CAST: variants seen among roughly 807,000 people sequenced by gnomAD.
CAST encodes the protein calpastatin, also known as MIR583 host.
In CAST, 76 loss-of-function variants were observed where a neutral mutation model predicts 119.6. The observed-to-expected ratio is 0.64, with a 90% CI of 0.53 to 0.77. The LOEUF (loss-of-function observed/expected upper bound fraction) is 0.77, where lower values mean the gene tolerates loss of function less well. Ranked by LOEUF, CAST falls within the 30% of genes least tolerant of loss-of-function variation. CAST has a pLI of 0.00. For synonymous variants in CAST, 319 were observed against 331.6 expected, an observed-to-expected ratio of 0.96 and a Z score of 0.41; for missense variants, 953 against 946.5, an observed-to-expected ratio of 1.01 and a Z score of -0.09.
At chr5:96,368,664 C>T in the CAST span, among the ~76,000 whole-genome samples, 1 of 152,028 alleles carries the variant, frequency 6.6e-6, no homozygotes, top group African/African-American at 2.4e-5. Context: ...TATTTCTGTC[C>T]ACTATCTCTC....
chr5:96,514,777 G>A, the CAST span, among the ~76,000 whole-genome samples: 16 of 152,088 alleles, frequency 1.1e-4, no homozygotes, highest in East Asian at 2.1e-3. Context: ...ACAGTGTCTC[G>A]CTCTATTGCC....
chr5:95,988,982 G>A, the CAST span, among the ~76,000 whole-genome samples: 1 of 152,092 alleles, frequency 6.6e-6, no homozygotes, highest in African/African-American at 2.4e-5. Context: ...ATATCTTTTG[G>A]AACGAGTGGG....
At chr5:96,601,692 T>C (rs1415468954) in intron 1 of CAST, among the ~76,000 whole-genome samples, 1 of 152,236 alleles carries the variant, frequency 6.6e-6, no homozygotes, top group African/African-American at 2.4e-5. Context: ...GTTCCCACTT[T>C]GTACATTTCC....
At chr5:96,250,964 G>T in the CAST span, among the ~76,000 whole-genome samples, 1 of 151,886 alleles carries the variant, frequency 6.6e-6, no homozygotes, top group East Asian at 1.9e-4. Context: ...AGGTACAGAG[G>T]TACAAAGGTA....
At chr5:96,170,659 G>A in the CAST span, among the ~76,000 whole-genome samples, 69 of 152,294 alleles carry the variant, frequency 4.5e-4, no homozygotes, top group African/African-American at 7.7e-4. Context: ...GGGCTGTAAA[G>A]CGTCTCAGGG....
the CAST span, among the ~76,000 whole-genome samples, chr5:96,425,453 CTG>C: frequency 2.6e-5 from 4 of 152,196 alleles, no homozygotes; most frequent in Non-Finnish European, 5.9e-5. Context: ...TCACTATACT[CTG>C]TGAGTGCTTT....
At chr5:96,706,959 C>T (rs113291132) in intron 3 of CAST, among the ~76,000 whole-genome samples, 16 of 152,198 alleles carry the variant, frequency 1.1e-4, no homozygotes, top group African/African-American at 3.6e-4. Context: ...GTCAGTCCCC[C>T]AGGCAAGCTC....
intron 13 of CAST, 115 bp from the exon 14 acceptor site, chr5:96,741,151 C>G (rs1420773363): frequency 1.5e-6 from 1 of 657,228 alleles, no homozygotes; most frequent in Non-Finnish European, 2.7e-6. Flanking sequence ...ATTAACACAC[C>G]TCATTTGGTA....
the CAST span, among the ~76,000 whole-genome samples, chr5:96,498,566 G>A: frequency 6.6e-6 from 1 of 152,134 alleles, no homozygotes; most frequent in Admixed American, 6.5e-5. Context: ...TTCAATATCA[G>A]GTTTAAGGCT....
chr5:96,447,659 A>G, the CAST span, among the ~76,000 whole-genome samples: 1 of 152,234 alleles, frequency 6.6e-6, no homozygotes, highest in African/African-American at 2.4e-5. Context: ...AAAGCTTCTG[A>G]TTTTAGAAGG....
chr5:96,773,552 G>A lies in CAST; in HGVS notation c.*936G>A, dbSNP rs1327166259. The A allele has an allele frequency of 1.3e-5, 2 of 151,842 alleles. No individual in the cohort carries two copies. Among genetic ancestry groups the A allele is most frequent in the African/African-American group, 2.4e-5 (1 of 41,272 alleles). The allele number at this position is 151,842 out of a possible 1,614,324, so 9.4% of individuals were successfully genotyped here. Reference sequence around the variant, plus strand: ...TGCACTGTATAGCGTCTGGCTTTATGGAACTTAAGTTTACCAAATATAAAA... The same window carrying A: ...TGCACTGTATAGCGTCTGGCTTTATAGAACTTAAGTTTACCAAATATAAAA... On this transcript the variant is annotated 3_prime_UTR_variant, in exon 32 of 32. Coordinates refer to ENST00000675179, the MANE Select transcript of CAST (RefSeq NM_001750.7).
chr5:96,569,748 C>G (rs1486870908), intron 1 of CAST, among the ~76,000 whole-genome samples: 1 of 152,230 alleles, frequency 6.6e-6, no homozygotes, highest in Admixed American at 6.5e-5. Flanking sequence ...GATCACTGAT[C>G]CAGTACAATA....
At chr5:96,208,311 A>G in the CAST span, among the ~76,000 whole-genome samples, 3 of 151,118 alleles carry the variant, frequency 2.0e-5, no homozygotes, top group Non-Finnish European at 4.4e-5. Flanking sequence ...GCTTTTCTGC[A>G]TCTTAATTTC....
the CAST span, among the ~76,000 whole-genome samples, chr5:96,084,940 A>AT: frequency 6.6e-6 from 1 of 152,244 alleles, no homozygotes; most frequent in South Asian, 2.1e-4. Context: ...ACTACTGTAT[A>AT]TGGCTTCAAG....
At chr5:95,977,316 A>G in the CAST span, among the ~76,000 whole-genome samples, 1 of 152,218 alleles carries the variant, frequency 6.6e-6, no homozygotes, top group African/African-American at 2.4e-5. Context: ...AAACAAACCC[A>G]CTACCTCAAG....
chr5:96,367,908 G>A, the CAST span, among the ~76,000 whole-genome samples: 1 of 152,022 alleles, frequency 6.6e-6, no homozygotes, highest in Admixed American at 6.6e-5. Context: ...CCCGTCTTCT[G>A]CATCGCTCAT....
At chr5:96,346,785 C>T in the CAST span, among the ~76,000 whole-genome samples, 1 of 152,132 alleles carries the variant, frequency 6.6e-6, no homozygotes, top group African/African-American at 2.4e-5. Flanking sequence ...TGACCCCCAT[C>T]TGTCATAAGT....
chr5:96,660,050 A>C (rs1017506449), upstream of CAST, among the ~76,000 whole-genome samples: 1 of 152,208 alleles, frequency 6.6e-6, no homozygotes, highest in Non-Finnish European at 1.5e-5. Context: ...TACCTCTTAT[A>C]GATTTTGATA....
chr5:96,581,628 C>T (rs530329158), intron 1 of CAST, among the ~76,000 whole-genome samples: 4 of 152,312 alleles, frequency 2.6e-5, no homozygotes, highest in East Asian at 1.9e-4. Flanking sequence ...CAGTGGCTCA[C>T]GCCTGTAATC....
Sources: allele counts gnomAD v4.1 joint callset (sites outside exome capture counted in the v4.1 genomes callset), GRCh38; gene constraint gnomAD v4.1.1; transcripts MANE v1.5; gene names NCBI Gene and HGNC (gene_info 2026-07-23, HGNC 2026-07-21).